The following LDLRAD4 variants were observed in gnomAD, a reference collection of about 807,000 sequenced individuals.
LDLRAD4 encodes low-density lipoprotein receptor class A domain-containing protein 4.
LDLRAD4 carries 5 observed loss-of-function variants against 17.0 expected under a neutral mutation model. The observed-to-expected ratio is 0.29, with a 90% CI of 0.15 to 0.62. The LOEUF (loss-of-function observed/expected upper bound fraction) is 0.62. Among genes scored for constraint, LDLRAD4 ranks in the 20% least tolerant of loss-of-function variants. LDLRAD4 has a pLI of 0.84. For synonymous variants in LDLRAD4, 168 were observed against 171.8 expected (o/e 0.98, Z 0.17); for missense variants, 340 against 424.7 (o/e 0.80, Z 1.75).
intron 3 of LDLRAD4, among the ~76,000 whole-genome samples, chr18:13,564,294 G>A (rs566070980): frequency 1.3e-5 from 2 of 152,148 alleles, no homozygotes; most frequent in Non-Finnish European, 2.9e-5. Context: ...CTGGTTTGGA[G>A]GATGGCTGCT....
At chr18:13,523,799 T>A (rs914434821) in intron 3 of LDLRAD4, among the ~76,000 whole-genome samples, 3 of 152,186 alleles carry the variant, frequency 2.0e-5, no homozygotes, top group African/African-American at 7.2e-5. Context: ...GGGCTCTCCC[T>A]GGTGACACGA....
At chr18:13,397,172 G>A (rs1273733020) in intron 2 of LDLRAD4, among the ~76,000 whole-genome samples, 1 of 151,812 alleles carries the variant, frequency 6.6e-6, no homozygotes, top group Non-Finnish European at 1.5e-5. Context: ...GTCTCTCTCT[G>A]TCGCTCTGTC....
intron 1 of LDLRAD4, among the ~76,000 whole-genome samples, chr18:13,272,697 A>G (rs991337791): frequency 6.6e-6 from 1 of 152,228 alleles, no homozygotes; most frequent in Non-Finnish European, 1.5e-5. Flanking sequence ...GGACAGAGGC[A>G]TTATGCAGCC....
intron 4 of LDLRAD4, among the ~76,000 whole-genome samples, chr18:13,626,824 G>A (rs1369253550): frequency 2.0e-5 from 3 of 152,206 alleles, no homozygotes; most frequent in African/African-American, 7.2e-5. Context: ...CCCTCTTGAT[G>A]CAGAAACTCA....
intron 1 of LDLRAD4, among the ~76,000 whole-genome samples, chr18:13,320,293 AC>A (rs1370444461): frequency 6.6e-5 from 10 of 152,256 alleles, no homozygotes; most frequent in Non-Finnish European, 1.2e-4. Context: ...GGTGACTGAC[AC>A]TGTGAAGTCC....
At chr18:13,445,532 G>C (rs2146284302) in intron 3 of LDLRAD4, among the ~76,000 whole-genome samples, 1 of 147,810 alleles carries the variant, frequency 6.8e-6, no homozygotes, top group Admixed American at 6.8e-5. Flanking sequence ...GTGTATAAGA[G>C]TGCATCTGTG....
chr18:13,641,822 G>A, intron 4 of LDLRAD4: 1 of 985,656 alleles, frequency 1.0e-6, no homozygotes, highest in Non-Finnish European at 1.2e-6. Flanking sequence ...CGGGTTTGCT[G>A]GTTTTTCGGG....
chr18:13,401,691 G>C (rs1485350111), intron 2 of LDLRAD4, among the ~76,000 whole-genome samples: 1 of 152,214 alleles, frequency 6.6e-6, no homozygotes, highest in Admixed American at 6.5e-5. Flanking sequence ...TTGTCCCCCA[G>C]ATGCAGGCTG....
chr18:13,399,628 G>T (rs1438510605), intron 2 of LDLRAD4, among the ~76,000 whole-genome samples: 6 of 152,164 alleles, frequency 3.9e-5, no homozygotes, highest in South Asian at 2.1e-4. Context: ...ACCCCAGCTC[G>T]CTATCTGCAG....
intron 1 of LDLRAD4, among the ~76,000 whole-genome samples, chr18:13,317,882 C>A (rs1220007036): frequency 1.3e-5 from 2 of 152,024 alleles, no homozygotes; most frequent in Non-Finnish European, 2.9e-5. Context: ...AAATAAAAGC[C>A]ATTTAAGAAA....
rs902446461 is a variant in LDLRAD4 at position 13,455,767 on chromosome 18, C to T, written c.181+17383C>T. Reference sequence around the variant, plus strand: ...CCTTCAGCTGCATTCAGCCCCACACCGGGTGCCATTTCTGGTGATCTAACA... The same window carrying T: ...CCTTCAGCTGCATTCAGCCCCACACTGGGTGCCATTTCTGGTGATCTAACA... On this transcript the variant is annotated intron_variant, in intron 3 of 5. Coordinates refer to ENST00000359446, the Ensembl canonical transcript of LDLRAD4. Among the ~76,000 whole-genome samples the T allele has an allele frequency of 2.6e-5, 4 of 152,044 alleles. No homozygotes were observed. The East Asian group carries it at 5.8e-4, about 22-fold the overall frequency.
rs544994779 is a variant in LDLRAD4 at position 13,528,490 on chromosome 18, T to C, written c.181+90106T>C. 1.8e-3 allele frequency among the ~76,000 whole-genome samples: 269 copies of C among 152,174 alleles called. 2 individuals are homozygous for C. The highest frequency in any genetic ancestry group is 6.2e-3 in the African/African-American group (258 of 41,504). On this transcript the variant is annotated intron_variant, in intron 3 of 5. Coordinates refer to ENST00000359446, the Ensembl canonical transcript of LDLRAD4. ...ACCACGCCTGGCTAATTTTCGTATC[T>C]GTAATAGAGATGGGGTTTTGCCATG...
At chr18:13,392,251 A>G (rs2086332478) in intron 2 of LDLRAD4, among the ~76,000 whole-genome samples, 1 of 152,262 alleles carries the variant, frequency 6.6e-6, no homozygotes. Context: ...CACCTGCCTC[A>G]CAGGGCATTT....
At chr18:13,335,731 C>T (rs1323077769) in intron 1 of LDLRAD4, among the ~76,000 whole-genome samples, 1 of 152,142 alleles carries the variant, frequency 6.6e-6, no homozygotes, top group African/African-American at 2.4e-5. Context: ...GGTATAAATT[C>T]TTGGCTTATA....
At chr18:13,230,859 C>A (rs939059298) in intron 1 of LDLRAD4, among the ~76,000 whole-genome samples, 3 of 152,226 alleles carry the variant, frequency 2.0e-5, no homozygotes, top group Admixed American at 2.0e-4. Context: ...GCTATCTGAA[C>A]CCTCCAGGGC....
At chr18:13,356,558 A>G (rs2083354688) in intron 1 of LDLRAD4, among the ~76,000 whole-genome samples, 1 of 152,188 alleles carries the variant, frequency 6.6e-6, no homozygotes, top group Non-Finnish European at 1.5e-5. Context: ...TTACCTTTTT[A>G]TTGTAGAATA....
intron 3 of LDLRAD4, among the ~76,000 whole-genome samples, chr18:13,443,875 G>A (rs2091207419): frequency 6.6e-6 from 1 of 152,126 alleles, no homozygotes; most frequent in African/African-American, 2.4e-5. Flanking sequence ...AGGTAATGCA[G>A]AGGTCTGGGG....
intron 3 of LDLRAD4, among the ~76,000 whole-genome samples, chr18:13,516,774 C>T (rs756787957): frequency 1.1e-4 from 16 of 152,188 alleles, no homozygotes; most frequent in East Asian, 3.8e-4. Context: ...TGCTTCCTGA[C>T]GGCACCTTCT....
At chr18:13,557,279 C>T (rs1293279660) in intron 3 of LDLRAD4, among the ~76,000 whole-genome samples, 2 of 148,154 alleles carry the variant, frequency 1.3e-5, no homozygotes, top group East Asian at 4.0e-4. Context: ...GCCTGGGTGA[C>T]AGAGTGAGAT....
Sources: allele counts gnomAD v4.1 joint callset (sites outside exome capture counted in the v4.1 genomes callset), GRCh38; gene constraint gnomAD v4.1.1; transcripts MANE v1.5; gene names NCBI Gene and HGNC (gene_info 2026-07-23, HGNC 2026-07-21).